The following LZTS1 variants were observed in gnomAD, a reference collection of about 807,000 sequenced individuals.
LZTS1 encodes leucine zipper tumor suppressor 1, also known as leucine zipper putative tumor suppressor 1.
LZTS1 carries 31 observed loss-of-function variants against 45.8 expected under a neutral mutation model. That is an observed-to-expected ratio of 0.68 (90% confidence interval 0.51 to 0.91). The LOEUF (loss-of-function observed/expected upper bound fraction) is 0.91, where lower values mean the gene tolerates loss of function less well. Among genes scored for constraint, LZTS1 ranks in the 40% least tolerant of loss-of-function variants. The pLI, the probability that LZTS1 is intolerant of heterozygous loss-of-function variation, is 0.00. For synonymous variants in LZTS1, 359 were observed against 357.3 expected, an observed-to-expected ratio of 1.00 and a Z score of -0.05; for missense variants, 821 against 788.9, an observed-to-expected ratio of 1.04 and a Z score of -0.49.
chr8:20,302,565 CT>C (rs1295712116), intron 1 of LZTS1, among the ~76,000 whole-genome samples: 3 of 152,200 alleles, frequency 2.0e-5, no homozygotes, highest in African/African-American at 7.2e-5. Context: ...TGTGGCTGGG[CT>C]CCTGGGCTCC....
At chr8:20,298,688 C>A (rs1563904055) in intron 1 of LZTS1, among the ~76,000 whole-genome samples, 1 of 152,202 alleles carries the variant, frequency 6.6e-6, no homozygotes, top group South Asian at 2.1e-4. Context: ...CATAGCGAGA[C>A]CTTATTTCTA....
chr8:20,285,193 G>A (rs1012291622), intron 1 of LZTS1, among the ~76,000 whole-genome samples: 5 of 152,176 alleles, frequency 3.3e-5, no homozygotes, highest in South Asian at 2.1e-4. Flanking sequence ...GCTTCCCTTC[G>A]TAGAGATTCT....
rs893336355 is a variant in LZTS1, at chr8:20,258,892, C to T, written c.-134-3577G>A. ...GCAACCTTTCTGCCTCCCATTCCTGCGAGGTGTGACTTAGGAGCACAGGGT... is the reference window on the plus strand; with the variant it reads ...GCAACCTTTCTGCCTCCCATTCCTGTGAGGTGTGACTTAGGAGCACAGGGT... On this transcript the variant is annotated intron_variant, in intron 1 of 3. Transcript: ENST00000381569. Among the ~76,000 whole-genome samples the T allele has an allele frequency of 4.6e-5, 7 of 152,124 alleles. No individual in the cohort carries two copies. In the East Asian group the frequency reaches 1.2e-3, roughly 25 times the overall value.
In LZTS1 at chr8:20,249,161, T is replaced by TG. The variant is rs1799813964; in HGVS notation, c.*560dup. The TG allele has an allele frequency of 6.5e-6, 1 of 153,600 alleles. No homozygotes were observed. Among genetic ancestry groups the TG allele is most frequent in the Admixed American group, 6.5e-5 (1 of 15,310 alleles). 9.5% of individuals were successfully genotyped at this position (153,600 alleles called of 1,614,324 possible). On this transcript the variant is annotated 3_prime_UTR_variant, in exon 4 of 4. Coordinates refer to ENST00000381569, the MANE Select transcript of LZTS1 (RefSeq NM_021020.5). ...CTGCCTGTCTCTCCCCTCCTTCCTG[T>TG]GGCTTGCCGGGGCTGGGACAGCCCT...
chr8:20,302,745 A>C (rs1241623103), intron 1 of LZTS1, among the ~76,000 whole-genome samples: 4 of 152,214 alleles, frequency 2.6e-5, no homozygotes, highest in African/African-American at 9.6e-5. Context: ...AATAAGTGAG[A>C]CAGGAAACAC....
At chr8:20,280,859 T>TA (rs1800676073) in intron 1 of LZTS1, among the ~76,000 whole-genome samples, 1 of 152,154 alleles carries the variant, frequency 6.6e-6, no homozygotes, top group African/African-American at 2.4e-5. Flanking sequence ...CAAGGCTCTC[T>TA]AAAAAACCGC....
intron 1 of LZTS1, among the ~76,000 whole-genome samples, chr8:20,301,454 C>T (rs1477838315): frequency 6.6e-6 from 1 of 152,152 alleles, no homozygotes; most frequent in East Asian, 1.9e-4. Flanking sequence ...TTATCCATTA[C>T]ACTGGTCTAT....
At chr8:20,252,035 G>A (rs906267204) in intron 3 of LZTS1, among the ~76,000 whole-genome samples, 11 of 152,116 alleles carry the variant, frequency 7.2e-5, no homozygotes, top group African/African-American at 1.4e-4. Context: ...AGCTGGGTGC[G>A]AGCATGTAAA....
chr8:20,295,127 C>G (rs143815479), intron 1 of LZTS1, among the ~76,000 whole-genome samples: 1 of 152,232 alleles, frequency 6.6e-6, no homozygotes, highest in African/African-American at 2.4e-5. Flanking sequence ...CAAGGTCAGT[C>G]TGCCCTGCCT....
Position 20,250,024 on chromosome 8 carries a change from C to A in LZTS1, c.1489G>T (p.Val497Phe). Reference sequence around the variant, plus strand: ...TCCAGCTCCCGCTGCAGGGCAGGGACGTCCTCGGGGAAGGTGGGCGGCCCC... The same window carrying A: ...TCCAGCTCCCGCTGCAGGGCAGGGAAGTCCTCGGGGAAGGTGGGCGGCCCC... ...DMGPPTFPED[V>F]PALQRELERL... Residue 497 changes from valine (V) to phenylalanine (F), a missense_variant, in exon 4 of 4, where the codon GTC becomes TTC. By Grantham distance (50) the Val-to-Phe change is conservative. Transcript: ENST00000381569. 1 of 1,611,510 alleles carries A rather than the reference C, an allele frequency of 6.2e-7. No individual in the cohort carries two copies.
intron 1 of LZTS1, among the ~76,000 whole-genome samples, chr8:20,256,060 C>CAAAAAAA (rs386412254): frequency 5.3e-5 from 3 of 56,450 alleles, no homozygotes; most frequent in Admixed American, 2.8e-4. Context: ...GGGCCTGACT[C>CAAAAAAA]AAAAAAAAAA....
chr8:20,278,261 GTATAT>G (rs1800622802), intron 1 of LZTS1, among the ~76,000 whole-genome samples: 3 of 152,162 alleles, frequency 2.0e-5, no homozygotes, highest in South Asian at 4.2e-4. Context: ...GGTATAACTG[GTATAT>G]TACCTTCCTC....
chr8:20,303,894 G>T lies in LZTS1; in HGVS notation c.-289C>A. 2 of 984,902 alleles carry T rather than the reference G, an allele frequency of 2.0e-6. No individual in the cohort carries two copies. The highest frequency in any genetic ancestry group is 4.7e-5 in the South Asian group (1 of 21,290). 61.0% of individuals were successfully genotyped at this position (984,902 alleles called of 1,614,324 possible). A position where few individuals can be genotyped will look rare whatever the true frequency, so the allele number is the denominator to read the frequency against. On this transcript the variant is annotated 5_prime_UTR_variant, in exon 1 of 4. Coordinates refer to ENST00000381569, the MANE Select transcript of LZTS1 (RefSeq NM_021020.5). ...CGGCTCCCACTCACTGGCCGAGGCGGGCAGAGAAACTTTCGGCCTCCCCGC... is the reference window on the plus strand; with the variant it reads ...CGGCTCCCACTCACTGGCCGAGGCGTGCAGAGAAACTTTCGGCCTCCCCGC...
intron 1 of LZTS1, chr8:20,289,099 C>G (rs1036672119): frequency 3.4e-5 from 5 of 148,076 alleles, no homozygotes; most frequent in African/African-American, 1.2e-4. Flanking sequence ...AGGCCGTGGG[C>G]TCTATTTCTT....
intron 1 of LZTS1, among the ~76,000 whole-genome samples, chr8:20,256,899 A>G (rs1800116829): frequency 6.6e-6 from 1 of 152,164 alleles, no homozygotes; most frequent in Admixed American, 6.5e-5. Flanking sequence ...GCGGATGCAG[A>G]AAGACAAGAG....
At chr8:20,258,395 A>AT (rs1376355546) in intron 1 of LZTS1, among the ~76,000 whole-genome samples, 1 of 151,994 alleles carries the variant, frequency 6.6e-6, no homozygotes, top group Non-Finnish European at 1.5e-5. Flanking sequence ...TTATATATAT[A>AT]TTTTTTACAA....
chr8:20,260,784 G>A (rs551204099), intron 1 of LZTS1, among the ~76,000 whole-genome samples: 29 of 152,178 alleles, frequency 1.9e-4, no homozygotes, highest in Non-Finnish European at 3.5e-4. Flanking sequence ...AGGGGTGACT[G>A]AAGAATGGCC....
chr8:20,256,078 A>G (rs1404635221), intron 1 of LZTS1, among the ~76,000 whole-genome samples: 1 of 150,502 alleles, frequency 6.6e-6, no homozygotes, highest in East Asian at 1.9e-4. Flanking sequence ...AAAAAAAAAA[A>G]AAAAAAGAAG....
intron 1 of LZTS1, among the ~76,000 whole-genome samples, chr8:20,283,935 C>G (rs1800742045): frequency 2.0e-5 from 3 of 152,176 alleles, no homozygotes; most frequent in Admixed American, 2.0e-4. Context: ...GCAAATCAGG[C>G]TTCCACCAGA....
Sources: allele counts gnomAD v4.1 joint callset (sites outside exome capture counted in the v4.1 genomes callset), GRCh38; gene constraint gnomAD v4.1.1; transcripts MANE v1.5; gene names NCBI Gene and HGNC (gene_info 2026-07-23, HGNC 2026-07-21).